Variants in NRXN1 observed in about 807,000 individuals in gnomAD.
NRXN1 encodes the protein neurexin 1, also known as neurexin-1.
Under a neutral mutation model 150.9 loss-of-function variants are expected in NRXN1, and 39 were observed. The ratio of observed to expected loss-of-function variants is 0.26; its 90% confidence interval spans 0.20 to 0.34. The LOEUF (loss-of-function observed/expected upper bound fraction) is 0.34, where lower values mean the gene tolerates loss of function less well. Ranked by LOEUF, NRXN1 falls within the 10% of genes least tolerant of loss-of-function variation. The pLI, the probability that NRXN1 is intolerant of heterozygous loss-of-function variation, is 1.00. For missense variants in NRXN1, 1,815 were observed against 1,949.9 expected (o/e 0.93, Z 1.30); for synonymous variants, 924 against 757.0 (o/e 1.22, Z -3.62).
intron 5 of NRXN1, among the ~76,000 whole-genome samples, chr2:50,758,729 C>T (rs1333448884): frequency 9.2e-5 from 14 of 151,910 alleles, no homozygotes. Context: ...TTGGTCCACA[C>T]AGATCCTGTG....
intron 21 of NRXN1, among the ~76,000 whole-genome samples, chr2:49,965,271 T>C (rs1395422925): frequency 6.6e-6 from 1 of 152,212 alleles, no homozygotes; most frequent in Non-Finnish European, 1.5e-5. Flanking sequence ...GCTATAAATA[T>C]GTATATATAT....
At chr2:50,554,271 T>G (rs978807066) in intron 8 of NRXN1, 1 of 152,228 alleles carries the variant, frequency 6.6e-6, no homozygotes, top group Non-Finnish European at 1.5e-5. Context: ...TGTATCTGAT[T>G]AGCGCTATGA....
chr2:50,623,749 C>T, intron 5 of NRXN1, 134 bp from the exon 6 acceptor site: 1 of 647,032 alleles, frequency 1.5e-6, no homozygotes, highest in South Asian at 2.0e-5. Flanking sequence ...AACTCTGTCT[C>T]AGTCAAACAG....
intron 8 of NRXN1, among the ~76,000 whole-genome samples, chr2:50,616,762 A>G (rs1387564983): frequency 6.6e-6 from 1 of 152,144 alleles, no homozygotes; most frequent in Admixed American, 6.6e-5. Flanking sequence ...ATGACTTCAG[A>G]CAAGGTGTTA....
chr2:50,437,449 C>T (rs995790781), intron 17 of NRXN1, among the ~76,000 whole-genome samples: 1 of 152,176 alleles, frequency 6.6e-6, no homozygotes, highest in Non-Finnish European at 1.5e-5. Flanking sequence ...GTTATTTTCA[C>T]CTAAAGCCGT....
intron 9 of NRXN1, among the ~76,000 whole-genome samples, chr2:50,548,887 T>G (rs1454467229): frequency 6.6e-6 from 1 of 152,120 alleles, no homozygotes; most frequent in African/African-American, 2.4e-5. Context: ...AGAATTGCTC[T>G]TAGGCGTGGG....
intron 8 of NRXN1, among the ~76,000 whole-genome samples, chr2:50,586,383 T>C (rs1469818605): frequency 2.0e-5 from 3 of 152,168 alleles, no homozygotes; most frequent in African/African-American, 4.8e-5. Context: ...AGATAAATTA[T>C]ATATTTTAAA....
chr2:49,953,223 T>C (rs1172457558), intron 21 of NRXN1, among the ~76,000 whole-genome samples: 2 of 152,086 alleles, frequency 1.3e-5, no homozygotes, highest in Non-Finnish European at 2.9e-5. Context: ...GAAGGTGTAT[T>C]TTCTGATTTT....
intron 8 of NRXN1, among the ~76,000 whole-genome samples, chr2:50,570,086 C>T (rs1670432173): frequency 6.6e-6 from 1 of 152,106 alleles, no homozygotes; most frequent in Non-Finnish European, 1.5e-5. Flanking sequence ...AAAATAAAAT[C>T]TCTAATGCCT....
At chr2:50,540,225 A>G (rs2093358087) in intron 9 of NRXN1, among the ~76,000 whole-genome samples, 1 of 152,238 alleles carries the variant, frequency 6.6e-6, no homozygotes, top group Non-Finnish European at 1.5e-5. Context: ...AGGGGAGCAA[A>G]ATAGAGATTT....
chr2:49,958,770 G>A (rs904155707), intron 21 of NRXN1, among the ~76,000 whole-genome samples: 1 of 152,094 alleles, frequency 6.6e-6, no homozygotes, highest in Non-Finnish European at 1.5e-5. Context: ...CAAGTTGCTC[G>A]TTTACTTTTT....
At chr2:50,859,936 C>T (rs756476917) in intron 5 of NRXN1, among the ~76,000 whole-genome samples, 19 of 151,496 alleles carry the variant, frequency 1.3e-4, no homozygotes, top group African/African-American at 4.4e-4. Flanking sequence ...GTATTGGATA[C>T]ATATTTATAA....
At chr2:50,620,517 C>G (rs1679819505) in intron 7 of NRXN1, among the ~76,000 whole-genome samples, 1 of 152,028 alleles carries the variant, frequency 6.6e-6, no homozygotes, top group African/African-American at 2.4e-5. Flanking sequence ...AAAATGCTTC[C>G]TAGGTTAGTT....
At chr2:50,662,235 T>C (rs996674305) in intron 5 of NRXN1, among the ~76,000 whole-genome samples, 1 of 152,040 alleles carries the variant, frequency 6.6e-6, no homozygotes, top group African/African-American at 2.4e-5. Flanking sequence ...TGCCCTGCTA[T>C]ATTCAGGGCT....
At chr2:50,916,922 T>G (rs1685286463) in intron 5 of NRXN1, 1 of 151,736 alleles carries the variant, frequency 6.6e-6, no homozygotes, top group Non-Finnish European at 1.5e-5. Context: ...TTAGTTTTTC[T>G]TGGTTCTACT....
chr2:50,076,837 G>T (rs1697181961), intron 19 of NRXN1, among the ~76,000 whole-genome samples: 1 of 152,134 alleles, frequency 6.6e-6, no homozygotes, highest in Non-Finnish European at 1.5e-5. Context: ...CCCCTAAACA[G>T]CCCTTACAGA....
intron 12 of NRXN1, chr2:50,506,958 C>A (rs1444034241): frequency 5.2e-6 from 1 of 191,662 alleles, no homozygotes; most frequent in Non-Finnish European, 1.1e-5. Flanking sequence ...ACTGGGAACC[C>A]ACCCAAATTT....
intron 5 of NRXN1, among the ~76,000 whole-genome samples, chr2:50,660,259 A>G (rs955610916): frequency 8.6e-5 from 13 of 152,010 alleles, no homozygotes; most frequent in Non-Finnish European, 1.9e-4. Flanking sequence ...TAAGGTTTTC[A>G]TGTAAGATAA....
chr2:50,090,494 C>T (rs72874680), intron 19 of NRXN1, among the ~76,000 whole-genome samples: 2,008 of 151,854 alleles, frequency 0.013, 41 homozygotes, highest in African/African-American at 0.046. Context: ...GTAATAGAGA[C>T]GATAATGATT....
Sources: allele counts gnomAD v4.1 joint callset (sites outside exome capture counted in the v4.1 genomes callset), GRCh38; gene constraint gnomAD v4.1.1; transcripts MANE v1.5; gene names NCBI Gene and HGNC (gene_info 2026-07-23, HGNC 2026-07-21).